Variants in SVEP1 observed in about 807,000 individuals in gnomAD.
SVEP1 encodes sushi, von Willebrand factor type A, EGF and pentraxin domain-containing protein 1.
SVEP1 carries 164 observed loss-of-function variants against 367.3 expected under a neutral mutation model. That is an observed-to-expected ratio of 0.45 (90% CI 0.39 to 0.51). The LOEUF (loss-of-function observed/expected upper bound fraction) is 0.51, where lower values mean the gene tolerates loss of function less well. Among genes scored for constraint, SVEP1 ranks in the 20% least tolerant of loss-of-function variants. The pLI is 0.00. For missense variants in SVEP1, 4,117 were observed against 4,425.3 expected (o/e 0.93, Z 1.98); for synonymous variants, 1,666 against 1,611.6 (o/e 1.03, Z -0.81).
At chr9:110,435,070 AAAAC>A (rs1478138119) in intron 29 of SVEP1, among the ~76,000 whole-genome samples, 167 bp downstream of exon 29, 1 of 152,228 alleles carries the variant, frequency 6.6e-6, no homozygotes, top group African/African-American at 2.4e-5. Flanking sequence ...TTGCATTAAA[AAAAC>A]AAATCCTTTG....
chr9:110,439,680 G>A (rs1214466237), intron 27 of SVEP1, among the ~76,000 whole-genome samples: 2 of 152,080 alleles, frequency 1.3e-5, no homozygotes, highest in African/African-American at 2.4e-5. Flanking sequence ...GACTACAGGT[G>A]TGAGCCACTG....
intron 3 of SVEP1, among the ~76,000 whole-genome samples, chr9:110,544,347 G>A (rs1830191145): frequency 6.6e-6 from 1 of 152,040 alleles, no homozygotes; most frequent in African/African-American, 2.4e-5. Context: ...TAATTTCCAT[G>A]GGGATACAGT....
rs752039958 is a variant in SVEP1, at chr9:110,483,626, A to G, written c.1998T>C (p.His666=). 3 of 1,612,830 alleles carry G rather than the reference A, an allele frequency of 1.9e-6. No homozygotes were observed. Among genetic ancestry groups the G allele is most frequent in the South Asian group, 1.1e-5 (1 of 90,850 alleles). ...ACTGAGGCTCATCCCAGCTTGCGGCATGTACCTTCTCCGAGACCTGGACGG... is the reference window on the plus strand; with the variant it reads ...ACTGAGGCTCATCCCAGCTTGCGGCGTGTACCTTCTCCGAGACCTGGACGG... ...PPPVQVSEKV[H]AASWDEPQFS... The change falls in exon 10 of 48, where the codon CAT becomes CAC. Residue 666 remains histidine (H), a synonymous_variant. Transcript: ENST00000374469.
rs747288125 is a variant in SVEP1 at position 110,389,593 on chromosome 9, A to G, written c.9823-6T>C. The G allele has an allele frequency of 6.2e-7, 1 of 1,613,512 alleles. No homozygotes were observed. Among genetic ancestry groups the G allele is most frequent in the Non-Finnish European group, 8.5e-7 (1 of 1,179,716 alleles). On this transcript the variant is annotated splice_region_variant and splice_polypyrimidine_tract_variant and intron_variant, in intron 40 of 47. Transcript: ENST00000374469. Reference sequence around the variant, plus strand: ...CAGACACGTTCCCTGTTCCCCTGTGAAACAATGGAGAAAGGTCATCAAGAT... The same window carrying G: ...CAGACACGTTCCCTGTTCCCCTGTGGAACAATGGAGAAAGGTCATCAAGAT...
At chr9:110,427,493 G>A in intron 36 of SVEP1, 98 bp downstream of exon 36, 1 of 1,424,986 alleles carries the variant, frequency 7.0e-7, no homozygotes, top group South Asian at 1.4e-5. Context: ...TTGGCTGCCA[G>A]GAAATTAAAT....
At position 110,430,382 on chromosome 9, in the gene SVEP1, C is replaced by T. The variant is rs1310731668; in HGVS notation, c.5422G>A (p.Gly1808Ser). ...TGACACGAAAATGTGACTTCGGCAC[C>T]TACTGTATAAATCTCACCTGAGGAG... is the stretch of plus-strand genomic sequence containing the variant. ...GHSSGEIYTV[G>S]AEVTFSCQEG... The change falls in exon 33 of 48, where the codon GGT becomes AGT. Residue 1808 changes from glycine to serine, a missense_variant. Physicochemically the swap from Gly to Ser is moderately conservative, Grantham distance 56. Coordinates refer to ENST00000374469, the MANE Select transcript of SVEP1 (RefSeq NM_153366.4). The T allele has an allele frequency of 6.2e-7, 1 of 1,613,282 alleles. No individual in the cohort carries two copies. The highest frequency in any genetic ancestry group is 1.7e-5 in the Admixed American group (1 of 59,878).
intron 3 of SVEP1, among the ~76,000 whole-genome samples, chr9:110,521,899 T>G (rs16915096): frequency 6.6e-6 from 1 of 152,228 alleles, no homozygotes; most frequent in East Asian, 1.9e-4. Context: ...ACTCTTTTAA[T>G]GTTTGACACT....
chr9:110,538,852 C>T (rs1215998329), intron 3 of SVEP1, among the ~76,000 whole-genome samples: 2 of 152,090 alleles, frequency 1.3e-5, no homozygotes, highest in Non-Finnish European at 1.5e-5. Flanking sequence ...CCAGAGTTCA[C>T]TGACTACTCT....
At chr9:110,466,391 T>C (rs561849920) in intron 17 of SVEP1, among the ~76,000 whole-genome samples, 1 of 152,278 alleles carries the variant, frequency 6.6e-6, no homozygotes, top group Admixed American at 6.5e-5. Context: ...ACGTACACTG[T>C]TATCCTGCGT....
intron 46 of SVEP1, among the ~76,000 whole-genome samples, chr9:110,373,631 T>TTTTTTTTTTTTTTTTTTTTTTTTTTTGAG (rs1564121570): frequency 6.6e-6 from 1 of 152,076 alleles, no homozygotes; most frequent in African/African-American, 2.4e-5. Context: ...CCCTATGTTT[T>TTTTTTTTTTTTTTTTTTTTTTTTTTTGAG]AAGTGGTGGC....
In SVEP1 at chr9:110,496,872, T is replaced by A. The variant is rs10817033; in HGVS notation, c.1743A>T (p.Gln581His). ...TCTGCCAGGTAACATTGGCAGAATC[T>A]TGCTGTTCCAGAGTCTTAGCCTCTA... ...KDIEAKTLEQ[Q>H]DSANVTWQIP... The change falls in exon 8 of 48, where the codon CAA becomes CAT. Residue 581 changes from glutamine (Q) to histidine (H), a missense_variant. This residue lies in a region of SVEP1 where 2,174 missense variants were observed against 2,494.3 expected (regional missense o/e 0.87). Coordinates refer to ENST00000374469, the MANE Select transcript of SVEP1 (RefSeq NM_153366.4). 1 of 1,558,330 alleles carries A rather than the reference T, an allele frequency of 6.4e-7. No individual in the cohort carries two copies. Among genetic ancestry groups the A allele is most frequent in the Non-Finnish European group, 8.7e-7 (1 of 1,149,654 alleles).
At chr9:110,457,106 C>A in intron 21 of SVEP1, 150 bp downstream of exon 21, 1 of 553,474 alleles carries the variant, frequency 1.8e-6, no homozygotes, top group Non-Finnish European at 3.1e-6. Context: ...ATTTTTTCAC[C>A]TATTGTTTAT....
chr9:110,483,657 G>A lies in SVEP1; in HGVS notation c.1967C>T (p.Pro656Leu), dbSNP rs1829233328. ...CTTCTCCGAGACCTGGACGGGAGGT[G>A]GAGATCTGCACCAGTCTATGACAGG... ...EPPVIDWCRSPPPVQVSEKVH... is the reference protein window; with the variant it reads ...EPPVIDWCRSLPPVQVSEKVH... Residue 656 changes from proline (P) to leucine (L), a missense_variant, in exon 10 of 48, where the codon CCA becomes CTA. By Grantham distance (98) the Pro-to-Leu change is moderately conservative (BLOSUM62 -3). Transcript: ENST00000374469. 1.2e-6 allele frequency: 2 copies of A among 1,610,776 alleles called. No homozygotes were observed. The highest frequency in any genetic ancestry group is 1.7e-6 in the Non-Finnish European group (2 of 1,178,282).
intron 3 of SVEP1, among the ~76,000 whole-genome samples, chr9:110,528,585 G>T (rs1360446056): frequency 1.3e-5 from 2 of 151,840 alleles, no homozygotes; most frequent in African/African-American, 4.8e-5. Flanking sequence ...TCATATGTTT[G>T]TTGGCCATTT....
chr9:110,579,568 C>T lies in SVEP1; in HGVS notation c.-25G>A, dbSNP rs1163636537. ...TCGCGCTGGAGACAGAGCGGCTGCC[C>T]CGGAGCGCAGGCGGCGGCTCGGGCG... On this transcript the variant is annotated 5_prime_UTR_variant, in exon 1 of 48. Transcript: ENST00000374469. This position sits in a 1 kb window ranked among gnomAD's most constrained non-coding sequence, Gnocchi z 5.3. 3.0e-5 allele frequency: 47 copies of T among 1,547,256 alleles called. No individual in the cohort carries two copies. The highest frequency in any genetic ancestry group is 3.9e-5 in the Non-Finnish European group (45 of 1,153,100).
chr9:110,445,765 A>G, intron 26 of SVEP1, 72 bp downstream of exon 26: 1 of 1,542,808 alleles, frequency 6.5e-7, no homozygotes, highest in Non-Finnish European at 8.9e-7. Context: ...CCCATTTCCC[A>G]TCCTCAATGT....
chr9:110,397,346 A>AAAT lies in SVEP1; in HGVS notation c.9822+3505_9822+3507dup, dbSNP rs1827779590. 3.9e-5 allele frequency among the ~76,000 whole-genome samples: 6 copies of AAAT among 152,370 alleles called. No individual in the cohort carries two copies. In the South Asian group the frequency reaches 1.2e-3, roughly 32 times the overall value. ...TTAGGTATTGATGGGACGTATCTCA[A>AAAT]AATAATAAGAGCTATCTATGACAAA... On this transcript the variant is annotated intron_variant, in intron 40 of 47. Coordinates refer to ENST00000374469, the MANE Select transcript of SVEP1 (RefSeq NM_153366.4).
At position 110,473,415 on chromosome 9, in the gene SVEP1, C is replaced by T. The variant is rs80030764; in HGVS notation, c.2600-1092G>A. On this transcript the variant is annotated intron_variant, in intron 14 of 47. Transcript: ENST00000374469. ...CACTGTGAATGTATAAATATACACACAGATATACATTTATGCATATGTGCA... is the reference window on the plus strand; with the variant it reads ...CACTGTGAATGTATAAATATACACATAGATATACATTTATGCATATGTGCA... Among the ~76,000 whole-genome samples the T allele has an allele frequency of 5.7e-3, 861 of 151,958 alleles. 8 individuals are homozygous for T. Among genetic ancestry groups the T allele is most frequent in the Middle Eastern group, 0.031 (9 of 294 alleles).
chr9:110,400,667 T>C (rs1018798178), intron 40 of SVEP1, among the ~76,000 whole-genome samples, 187 bp downstream of exon 40: 4 of 152,222 alleles, frequency 2.6e-5, no homozygotes, highest in African/African-American at 9.6e-5. Flanking sequence ...GCACCCAGTT[T>C]ATTTTACTTT....
Sources: allele counts gnomAD v4.1 joint callset (sites outside exome capture counted in the v4.1 genomes callset), GRCh38; gene constraint gnomAD v4.1.1; regional missense constraint gnomAD v4.1.1; non-coding constraint Gnocchi (gnomAD v3.1); transcripts MANE v1.5; gene names NCBI Gene and HGNC (gene_info 2026-07-23, HGNC 2026-07-21).